Variants in AMPD1 observed in about 807,000 individuals in gnomAD.
AMPD1 encodes the protein AMP deaminase 1.
AMPD1 carries 74 observed loss-of-function variants against 82.9 expected under a neutral mutation model. The observed-to-expected ratio is 0.89, with a 90% CI of 0.74 to 1.08. AMPD1 has a LOEUF of 1.08. AMPD1 is among the 50% of genes least tolerant of loss of function. The pLI is 0.00. For missense variants in AMPD1, 881 were observed against 924.5 expected (o/e 0.95, Z 0.61); for synonymous variants, 333 against 320.5 (o/e 1.04, Z -0.42).
chr1:114,686,359 C>T (rs1658317878), intron 4 of AMPD1, among the ~76,000 whole-genome samples: 1 of 151,906 alleles, frequency 6.6e-6, no homozygotes, highest in Non-Finnish European at 1.5e-5. Flanking sequence ...TGCTTGGGTC[C>T]TTCTTTTCCC....
chr1:114,675,733 C>T (rs1657962449), intron 11 of AMPD1, 40 bp from the exon 12 acceptor site: 30 of 1,613,946 alleles, frequency 1.9e-5, no homozygotes, highest in Non-Finnish European at 2.4e-5. Context: ...TTCAGTCCAA[C>T]TTCAGGGTCC....
intron 2 of AMPD1, 151 bp from the exon 3 acceptor site, chr1:114,688,892 C>T (rs1281674429): frequency 1.2e-6 from 1 of 863,112 alleles, no homozygotes; most frequent in Non-Finnish European, 2.0e-6. Context: ...TCAGTGCCTG[C>T]TCTCCTTTTA....
chr1:114,682,516 A>G (rs561949978), intron 5 of AMPD1, among the ~76,000 whole-genome samples: 1 of 152,296 alleles, frequency 6.6e-6, no homozygotes, highest in Non-Finnish European at 1.5e-5. Flanking sequence ...ATTAAAAGGA[A>G]TTACAGACAG....
chr1:114,682,565 T>C (rs984294834), intron 5 of AMPD1, among the ~76,000 whole-genome samples: 6 of 151,682 alleles, frequency 4.0e-5, no homozygotes, highest in East Asian at 2.0e-4. Context: ...ATATTACAAT[T>C]TGGAACTTCA....
chr1:114,684,508 T>C, intron 4 of AMPD1, 144 bp from the exon 5 acceptor site: 1 of 837,476 alleles, frequency 1.2e-6, no homozygotes, highest in South Asian at 1.5e-5. Context: ...TGCTTCTTAA[T>C]TGACTTGGGA....
chr1:114,681,371 G>C (rs754179076), intron 5 of AMPD1, among the ~76,000 whole-genome samples: 1 of 152,072 alleles, frequency 6.6e-6, no homozygotes, highest in Non-Finnish European at 1.5e-5. Context: ...AAGGTGGGTG[G>C]GTCATTTGAG....
intron 8 of AMPD1, 100 bp downstream of exon 8, chr1:114,678,233 C>G: frequency 6.6e-7 from 1 of 1,512,410 alleles, no homozygotes; most frequent in Non-Finnish European, 9.2e-7. Flanking sequence ...CGTGGTAAGC[C>G]AAGATGGTTA....
At chr1:114,688,978 A>G in intron 2 of AMPD1, 1 of 722,560 alleles carries the variant, frequency 1.4e-6, no homozygotes, top group Admixed American at 1.7e-5. Context: ...ATTTCAGAAC[A>G]GTCCTAAAGA....
chr1:114,685,045 T>A (rs912510798), intron 4 of AMPD1, among the ~76,000 whole-genome samples: 1 of 152,214 alleles, frequency 6.6e-6, no homozygotes, highest in African/African-American at 2.4e-5. Flanking sequence ...CAAGTAGTTA[T>A]AACTTGAAAT....
intron 2 of AMPD1, among the ~76,000 whole-genome samples, chr1:114,691,654 G>A (rs12407408): frequency 0.45 from 68,129 of 151,890 alleles, 15,727 homozygotes; most frequent in South Asian, 0.57. Flanking sequence ...GGCTGGGTGC[G>A]ATTTCTCATG....
chr1:114,684,065 G>A, intron 5 of AMPD1, 134 bp downstream of exon 5: 1 of 981,498 alleles, frequency 1.0e-6, no homozygotes, highest in Non-Finnish European at 1.5e-6. Context: ...GACACGTGAG[G>A]AAATGGGGCC....
chr1:114,693,187 T>A (rs1658569707), intron 2 of AMPD1, among the ~76,000 whole-genome samples: 1 of 148,264 alleles, frequency 6.7e-6, no homozygotes. Flanking sequence ...CTGCATGAGG[T>A]TTTCTTTTAA....
chr1:114,686,498 A>C (rs930730421), intron 4 of AMPD1, among the ~76,000 whole-genome samples: 2 of 152,180 alleles, frequency 1.3e-5, no homozygotes, highest in African/African-American at 4.8e-5. Flanking sequence ...TAACATACAC[A>C]CTGCATTCTA....
At chr1:114,688,808 T>C (rs1470998124) in intron 2 of AMPD1, 67 bp from the exon 3 acceptor site, 2 of 1,564,298 alleles carry the variant, frequency 1.3e-6, no homozygotes, top group Non-Finnish European at 1.8e-6. Flanking sequence ...GTTTCTGCTA[T>C]GTGTAAGGCA....
chr1:114,692,424 G>A (rs1313608641), intron 2 of AMPD1, among the ~76,000 whole-genome samples: 1 of 152,130 alleles, frequency 6.6e-6, no homozygotes, highest in Non-Finnish European at 1.5e-5. Context: ...GGTGGCTCAC[G>A]CCTGTAATCA....
At position 114,673,114 on chromosome 1, in the gene AMPD1, T is replaced by C. The variant is rs1290556933; in HGVS notation, c.2244A>G (p.Ter748=). The C allele has an allele frequency of 3.1e-6, 5 of 1,613,060 alleles. No individual in the cohort carries two copies. ...ATATTATTATTTGGTTTACTTTTTT[T>C]TATTCTGTTGATTTAAGACCCTCAG... is the stretch of plus-strand genomic sequence containing the variant. ...LIAEGLKSTE[*] is the part of the protein sequence containing the mutation. Residue 748 remains the stop codon, a stop_retained_variant, in exon 16 of 16, where the codon TAA becomes TAG. Transcript: ENST00000520113.
At chr1:114,678,300 T>C in intron 8 of AMPD1, 33 bp downstream of exon 8, 1 of 1,607,164 alleles carries the variant, frequency 6.2e-7, no homozygotes, top group Non-Finnish European at 8.5e-7. Flanking sequence ...TTCTGAGTAT[T>C]AGAGTGAAAC....
Position 114,686,865 on chromosome 1 carries a change from T to C in AMPD1, c.261A>G (p.Pro87=), listed in dbSNP as rs1249710041. ...GTTTGGTGGAAGATGTTTCACTTAGTGGAATGGACAAATTAACAGTCTTCC... is the reference window on the plus strand; with the variant it reads ...GTTTGGTGGAAGATGTTTCACTTAGCGGAATGGACAAATTAACAGTCTTCC... ...QGRKTVNLSI[P]LSETSSTKLS... The change falls in exon 4 of 16, where the codon CCA becomes CCG. Residue 87 remains proline, a synonymous_variant. Coordinates refer to ENST00000520113, the MANE Select transcript of AMPD1 (RefSeq NM_000036.3). 1.9e-6 allele frequency: 3 copies of C among 1,614,244 alleles called. No homozygotes were observed. Among genetic ancestry groups the C allele is most frequent in the East Asian group, 2.2e-5 (1 of 44,890 alleles).
chr1:114,674,579 C>G (rs774427365), intron 13 of AMPD1, among the ~76,000 whole-genome samples, 173 bp downstream of exon 13: 4 of 152,220 alleles, frequency 2.6e-5, no homozygotes, highest in Non-Finnish European at 5.9e-5. Flanking sequence ...TAATCTTGAG[C>G]AAGTCCCTTT....
Sources: gnomAD v4.1 joint callset for allele counts (sites outside exome capture counted in the v4.1 genomes callset) on GRCh38, gnomAD v4.1.1 for gene constraint, MANE v1.5 for transcripts, NCBI Gene and HGNC (gene_info 2026-07-23, HGNC 2026-07-21) for gene names.